ERBB4: variants seen among roughly 807,000 people sequenced by gnomAD.
ERBB4 encodes receptor tyrosine-protein kinase erbB-4.
Under a neutral mutation model 158.0 loss-of-function variants are expected in ERBB4, and 42 were observed. The observed-to-expected ratio is 0.27, with a 90% CI of 0.21 to 0.34. The LOEUF is 0.34. Ranked by LOEUF, ERBB4 falls within the 10% of genes least tolerant of loss-of-function variation. The pLI, the probability that ERBB4 is intolerant of heterozygous loss-of-function variation, is 1.00. For synonymous variants in ERBB4, 583 were observed against 558.7 expected (o/e 1.04, Z -0.61); for missense variants, 1,333 against 1,624.1 (o/e 0.82, Z 3.08).
chr2:212,325,596 T>C (rs1395554581), intron 1 of ERBB4, among the ~76,000 whole-genome samples: 3 of 150,602 alleles, frequency 2.0e-5, no homozygotes, highest in African/African-American at 7.3e-5. Context: ...TAGTTCGAAC[T>C]GTGGGGAAAT....
chr2:212,033,786 C>T (rs568824278), intron 2 of ERBB4, among the ~76,000 whole-genome samples: 388 of 151,852 alleles, frequency 2.6e-3, no homozygotes, highest in African/African-American at 8.6e-3. Flanking sequence ...TACTTATTAG[C>T]TATTTGATCT....
chr2:212,086,790 G>A (rs1250591600), intron 2 of ERBB4, among the ~76,000 whole-genome samples: 1 of 152,024 alleles, frequency 6.6e-6, no homozygotes, highest in Non-Finnish European at 1.5e-5. Flanking sequence ...AAACTGTTAG[G>A]AGAAGGGAGA....
Position 212,186,848 on chromosome 2 carries a change from A to G in ERBB4, c.83-61945T>C, listed in dbSNP as rs191109416. ...CGTCAACATGTTTGCTATTTTCTCT[A>G]TATTATAGCAGTTATTTCTAAAAAT... On this transcript the variant is annotated intron_variant, in intron 1 of 27. Coordinates refer to ENST00000342788, the MANE Select transcript of ERBB4 (RefSeq NM_005235.3). 2.6e-4 allele frequency among the ~76,000 whole-genome samples: 39 copies of G among 152,312 alleles called. No individual in the cohort carries two copies. The East Asian group carries it at 6.9e-3, about 27-fold the overall frequency.
chr2:211,817,253 T>A (rs2076897968), intron 3 of ERBB4, among the ~76,000 whole-genome samples: 1 of 152,124 alleles, frequency 6.6e-6, no homozygotes, highest in Non-Finnish European at 1.5e-5. Context: ...AATACTGAAA[T>A]TTTGGATACA....
At chr2:211,562,701 T>C (rs1162163007) in intron 19 of ERBB4, among the ~76,000 whole-genome samples, 1 of 151,996 alleles carries the variant, frequency 6.6e-6, no homozygotes, top group Non-Finnish European at 1.5e-5. Context: ...TTCAAAATTA[T>C]AAGTGATGTC....
chr2:211,794,463 T>C (rs1278982158), intron 3 of ERBB4, among the ~76,000 whole-genome samples: 1 of 151,948 alleles, frequency 6.6e-6, no homozygotes, highest in Non-Finnish European at 1.5e-5. Flanking sequence ...GTGTCCCTAG[T>C]GCCAAAGAAA....
Position 211,634,763 on chromosome 2 carries a change from C to T in ERBB4, c.1947-4169G>A, listed in dbSNP as rs891388660. 1.4e-4 allele frequency among the ~76,000 whole-genome samples: 22 copies of T among 152,216 alleles called. No homozygotes were observed. The East Asian group carries it at 3.9e-3, about 27-fold the overall frequency. ...TGTGATCTTGGCTCACAGCAACCTC[C>T]ACCTCCCAGGTTCAAGTGATTCTCC... On this transcript the variant is annotated intron_variant, in intron 16 of 27. Transcript: ENST00000342788.
At chr2:211,833,289 A>T (rs1272383019) in intron 3 of ERBB4, among the ~76,000 whole-genome samples, 4 of 152,106 alleles carry the variant, frequency 2.6e-5, no homozygotes, top group Non-Finnish European at 5.9e-5. Flanking sequence ...TTACTTAAAG[A>T]TGTCTTAAGT....
At chr2:212,425,917 A>C (rs1419588335) in intron 1 of ERBB4, among the ~76,000 whole-genome samples, 2 of 152,016 alleles carry the variant, frequency 1.3e-5, no homozygotes, top group African/African-American at 4.8e-5. Context: ...ATTAACATGC[A>C]GGATAAGTCA....
At chr2:212,002,783 G>A (rs889945529) in intron 2 of ERBB4, among the ~76,000 whole-genome samples, 6 of 152,064 alleles carry the variant, frequency 3.9e-5, no homozygotes, top group Non-Finnish European at 7.4e-5. Flanking sequence ...TGTCAGCTGG[G>A]CGGGGTGGCT....
chr2:211,844,376 T>A (rs1017435856), intron 3 of ERBB4, among the ~76,000 whole-genome samples: 1 of 152,214 alleles, frequency 6.6e-6, no homozygotes, highest in African/African-American at 2.4e-5. Context: ...GATATAGTGT[T>A]GTGCTCATTT....
At chr2:212,430,447 T>TTA (rs1553638703) in intron 1 of ERBB4, among the ~76,000 whole-genome samples, 5 of 151,596 alleles carry the variant, frequency 3.3e-5, no homozygotes, top group Non-Finnish European at 4.4e-5. Context: ...TTTTTTTTTT[T>TTA]TTCTTTTCTT....
intron 1 of ERBB4, among the ~76,000 whole-genome samples, chr2:212,266,908 T>G (rs2085156868): frequency 6.6e-6 from 1 of 152,032 alleles, no homozygotes; most frequent in Non-Finnish European, 1.5e-5. Context: ...CCACACTATA[T>G]TCTTAATTTT....
chr2:212,424,179 T>C (rs1478109849), intron 1 of ERBB4, among the ~76,000 whole-genome samples: 1 of 152,100 alleles, frequency 6.6e-6, no homozygotes, highest in Non-Finnish European at 1.5e-5. Context: ...AGTCATCCTA[T>C]AATCAACTAC....
At chr2:212,051,375 T>A (rs543720407) in intron 2 of ERBB4, among the ~76,000 whole-genome samples, 1 of 152,220 alleles carries the variant, frequency 6.6e-6, no homozygotes, top group East Asian at 1.9e-4. Context: ...TGAGAGGAAA[T>A]TGTTATCATT....
At chr2:212,198,033 A>T (rs2082482165) in intron 1 of ERBB4, among the ~76,000 whole-genome samples, 1 of 152,150 alleles carries the variant, frequency 6.6e-6, no homozygotes, top group South Asian at 2.1e-4. Context: ...GAGCAAATAA[A>T]CTCAAGTGAT....
In ERBB4 at chr2:211,383,654, C is replaced by A. The variant is rs755829219; in HGVS notation, c.3888G>T (p.Leu1296=). The A allele has an allele frequency of 1.4e-5, 23 of 1,613,690 alleles. No homozygotes were observed. Among genetic ancestry groups the A allele is most frequent in the Non-Finnish European group, 2.5e-6 (3 of 1,179,974 alleles). The change falls in exon 28 of 28, where the codon CTG becomes CTT. Residue 1296 remains leucine (L), a synonymous_variant. Coordinates refer to ENST00000342788, the MANE Select transcript of ERBB4 (RefSeq NM_005235.3). The stretch of plus-strand genomic sequence containing the variant: ...TCCGGTGTCTGTAAGGTGGAGGCGG[C>A]AGCACAGTGCCTGGCTTCAGGGAGA... ...SEFSLKPGTV[L]PPPPYRHRNT...
intron 1 of ERBB4, among the ~76,000 whole-genome samples, chr2:212,447,785 T>TGTGTGTGC (rs2092384768): frequency 1.3e-5 from 2 of 150,730 alleles, no homozygotes; most frequent in Non-Finnish European, 2.9e-5. Flanking sequence ...TGTGTGTGTG[T>TGTGTGTGC]GTGTGTGTGT....
At chr2:212,061,196 C>T (rs1191966869) in intron 2 of ERBB4, among the ~76,000 whole-genome samples, 1 of 151,516 alleles carries the variant, frequency 6.6e-6, no homozygotes, top group Admixed American at 6.6e-5. Context: ...GTGGTTCATG[C>T]CTGTAATGCC....
Sources: allele counts gnomAD v4.1 joint callset (sites outside exome capture counted in the v4.1 genomes callset), GRCh38; gene constraint gnomAD v4.1.1; transcripts MANE v1.5; gene names NCBI Gene and HGNC (gene_info 2026-07-23, HGNC 2026-07-21).